Variants in KHDRBS2 observed in about 807,000 individuals in gnomAD.
KHDRBS2 encodes the protein KH domain-containing, RNA-binding, signal transduction-associated protein 2.
A neutral mutation model predicts 44.3 loss-of-function variants in KHDRBS2; 26 were observed. The observed-to-expected ratio is 0.59, with a 90% CI of 0.43 to 0.81. KHDRBS2 has a LOEUF of 0.81. KHDRBS2 is among the 40% of genes least tolerant of loss of function. The probability of loss-of-function intolerance (pLI) is 0.00; values close to 1 mark genes in which losing one functional copy is unlikely to be tolerated. For synonymous variants in KHDRBS2, 194 were observed against 151.1 expected (o/e 1.28, Z -2.08); for missense variants, 476 against 433.1 (o/e 1.10, Z -0.88).
chr6:61,740,304 T>C (rs1200507957), intron 6 of KHDRBS2, among the ~76,000 whole-genome samples: 1 of 151,930 alleles, frequency 6.6e-6, no homozygotes, highest in African/African-American at 2.4e-5. Flanking sequence ...TAAATTGTGT[T>C]TTGTGAGCTG....
At chr6:62,099,811 C>T (rs1801454065) in intron 2 of KHDRBS2, among the ~76,000 whole-genome samples, 1 of 152,176 alleles carries the variant, frequency 6.6e-6, no homozygotes, top group African/African-American at 2.4e-5. Flanking sequence ...ATTGACAACA[C>T]ACCTAATCAC....
At chr6:61,636,534 C>T in the KHDRBS2 span, among the ~76,000 whole-genome samples, 1 of 152,050 alleles carries the variant, frequency 6.6e-6, no homozygotes, top group Non-Finnish European at 1.5e-5. Flanking sequence ...TGACTCAATA[C>T]TGCATGTGAT....
At chr6:62,094,070 T>A (rs1418994911) in intron 2 of KHDRBS2, among the ~76,000 whole-genome samples, 1 of 151,902 alleles carries the variant, frequency 6.6e-6, no homozygotes, top group Non-Finnish European at 1.5e-5. Flanking sequence ...GACCTTATGA[T>A]AATACTATTT....
intron 7 of KHDRBS2, among the ~76,000 whole-genome samples, chr6:61,722,763 A>G (rs916020147): frequency 5.9e-5 from 9 of 151,396 alleles, no homozygotes; most frequent in Middle Eastern, 3.4e-3. Flanking sequence ...AGGCTGGAGT[A>G]CAGTGGCGCG....
At chr6:61,720,904 G>GGTTTTAGGTCTAAGGTTTA (rs1772368498) in intron 7 of KHDRBS2, among the ~76,000 whole-genome samples, 2 of 150,724 alleles carry the variant, frequency 1.3e-5, no homozygotes, top group Non-Finnish European at 2.9e-5. Flanking sequence ...GGGTTTTTAT[G>GGTTTTAGGTCTAAGGTTTA]GTTTTAGGTC....
At chr6:62,136,958 AC>A (rs1811655708) in intron 2 of KHDRBS2, among the ~76,000 whole-genome samples, 1 of 141,986 alleles carries the variant, frequency 7.0e-6, no homozygotes, top group Non-Finnish European at 1.5e-5. Flanking sequence ...TGGATGCTAA[AC>A]CTCCTGTGAC....
chr6:61,624,794 A>C, the KHDRBS2 span, among the ~76,000 whole-genome samples: 823 of 152,236 alleles, frequency 5.4e-3, 5 homozygotes, highest in Admixed American at 0.011. Flanking sequence ...TAGGAAGGCT[A>C]TATGGACCCA....
intron 4 of KHDRBS2, among the ~76,000 whole-genome samples, chr6:61,917,883 G>A (rs182795600): frequency 6.6e-6 from 1 of 152,054 alleles, no homozygotes; most frequent in East Asian, 1.9e-4. Context: ...ATTTCATCAA[G>A]TTGAAACAGC....
At chr6:62,212,681 T>A (rs967464792) in intron 1 of KHDRBS2, among the ~76,000 whole-genome samples, 1 of 152,140 alleles carries the variant, frequency 6.6e-6, no homozygotes, top group Non-Finnish European at 1.5e-5. Context: ...CAAAGAATAC[T>A]TGAGATTACC....
chr6:61,986,016 G>A lies in KHDRBS2; in HGVS notation c.337-7804C>T, dbSNP rs146261942. 2.0e-5 allele frequency among the ~76,000 whole-genome samples: 3 copies of A among 151,806 alleles called. No individual in the cohort carries two copies. In the East Asian group the frequency reaches 5.8e-4, roughly 29 times the overall value. On this transcript the variant is annotated intron_variant, in intron 3 of 8. Transcript: ENST00000281156. ...ATTTTGGAAGCACTAGAGTATAGTG[G>A]TTTAAAAAAAAAATGAATTTTGGAG...
intron 7 of KHDRBS2, among the ~76,000 whole-genome samples, chr6:61,718,215 C>T (rs1310257824): frequency 6.6e-6 from 1 of 152,040 alleles, no homozygotes; most frequent in Admixed American, 6.6e-5. Context: ...GGCTCCCATC[C>T]TATAGGCTCT....
In KHDRBS2 at chr6:62,148,360, T is replaced by C. The variant is rs148340906; in HGVS notation, c.219+28825A>G. On this transcript the variant is annotated intron_variant, in intron 2 of 8. Coordinates refer to ENST00000281156, the MANE Select transcript of KHDRBS2 (RefSeq NM_152688.4). ...ACACTCTATTCAACAGTAAGAATAC[T>C]ATGAATAAAGATAGTCCTTAACCTT... is the stretch of plus-strand genomic sequence containing the variant. Among the ~76,000 whole-genome samples, 298 of 152,126 alleles carry C rather than the reference T, an allele frequency of 2.0e-3. 2 individuals are homozygous for C. The highest frequency in any genetic ancestry group is 6.5e-3 in the African/African-American group (268 of 41,536).
the KHDRBS2 span, among the ~76,000 whole-genome samples, chr6:61,672,114 G>T: frequency 8.6e-5 from 11 of 127,734 alleles, no homozygotes; most frequent in East Asian, 9.8e-4. Flanking sequence ...TTTGTTCTTG[G>T]GATAGTTTAC....
chr6:61,748,658 A>T (rs1008569415), intron 6 of KHDRBS2, among the ~76,000 whole-genome samples: 1 of 152,202 alleles, frequency 6.6e-6, no homozygotes, highest in Admixed American at 6.5e-5. Context: ...AGAGACCAAA[A>T]TTTTCATCAA....
chr6:61,960,897 T>C (rs116422077), intron 4 of KHDRBS2, among the ~76,000 whole-genome samples: 38 of 152,218 alleles, frequency 2.5e-4, no homozygotes, highest in African/African-American at 8.7e-4. Flanking sequence ...ACCCACTGAG[T>C]GCATGAAGCA....
At position 61,735,643 on chromosome 6, in the gene KHDRBS2, C is replaced by T. The variant is rs573662850; in HGVS notation, c.811-2879G>A. ...AGTGGTCCAAACCAACTGTTTTGTACACCATTCCACATTCTGCATTTGCCT... is the reference window on the plus strand; with the variant it reads ...AGTGGTCCAAACCAACTGTTTTGTATACCATTCCACATTCTGCATTTGCCT... On this transcript the variant is annotated intron_variant, in intron 6 of 8. Coordinates refer to ENST00000281156, the MANE Select transcript of KHDRBS2 (RefSeq NM_152688.4). Among the ~76,000 whole-genome samples the T allele has an allele frequency of 5.9e-5, 9 of 152,236 alleles. No individual in the cohort carries two copies. In the South Asian group the frequency reaches 1.5e-3, roughly 25 times the overall value.
intron 6 of KHDRBS2, among the ~76,000 whole-genome samples, chr6:61,753,399 C>A (rs1011282361): frequency 6.6e-6 from 1 of 152,008 alleles, no homozygotes; most frequent in African/African-American, 2.4e-5. Flanking sequence ...ACCCCCACCC[C>A]CCCAAACCAT....
At chr6:62,214,677 G>A (rs1829674168) in intron 1 of KHDRBS2, among the ~76,000 whole-genome samples, 1 of 151,900 alleles carries the variant, frequency 6.6e-6, no homozygotes, top group African/African-American at 2.4e-5. Flanking sequence ...GGAGACCTAG[G>A]AAGGTAGATT....
At chr6:62,177,044 C>T (rs1255067260) in intron 2 of KHDRBS2, 141 bp downstream of exon 2, 1 of 457,562 alleles carries the variant, frequency 2.2e-6, no homozygotes, top group African/African-American at 2.0e-5. Flanking sequence ...TTTTCCTTCC[C>T]CTATGTCAGT....
Sources: allele counts gnomAD v4.1 joint callset (sites outside exome capture counted in the v4.1 genomes callset), GRCh38; gene constraint gnomAD v4.1.1; transcripts MANE v1.5; gene names NCBI Gene and HGNC (gene_info 2026-07-23, HGNC 2026-07-21).